The following SGCD variants were observed in gnomAD, a reference collection of about 807,000 sequenced individuals.
SGCD encodes sarcoglycan delta.
SGCD carries 18 observed loss-of-function variants against 36.6 expected under a neutral mutation model. The ratio of observed to expected loss-of-function variants is 0.49; its 90% CI spans 0.34 to 0.73. The LOEUF (loss-of-function observed/expected upper bound fraction) is 0.73, where lower values mean the gene tolerates loss of function less well. Among genes scored for constraint, SGCD ranks in the 30% least tolerant of loss-of-function variants. The probability of loss-of-function intolerance (pLI) is 0.01; values close to 1 mark genes in which losing one functional copy is unlikely to be tolerated. For missense variants in SGCD, 387 were observed against 346.7 expected, an observed-to-expected ratio of 1.12 and a Z score of -0.92; for synonymous variants, 133 against 130.6, an observed-to-expected ratio of 1.02 and a Z score of -0.12.
At chr5:156,260,614 T>C (rs1765833946) in intron 3 of SGCD, among the ~76,000 whole-genome samples, 1 of 152,148 alleles carries the variant, frequency 6.6e-6, no homozygotes, top group African/African-American at 2.4e-5. Flanking sequence ...TGGATAAGTG[T>C]ATAATCATGT....
At chr5:156,341,590 G>A (rs1768654279) in intron 2 of SGCD, among the ~76,000 whole-genome samples, 1 of 152,016 alleles carries the variant, frequency 6.6e-6, no homozygotes, top group Non-Finnish European at 1.5e-5. Context: ...CTAGACCAAT[G>A]GCATGTAATC....
intron 1 of SGCD, among the ~76,000 whole-genome samples, chr5:155,917,850 A>G (rs971206248): frequency 1.3e-5 from 2 of 152,082 alleles, no homozygotes; most frequent in Admixed American, 6.5e-5. Flanking sequence ...TTCTAATGTG[A>G]CCAAGTGATA....
At position 156,072,434 on chromosome 5, in the gene SGCD, T is replaced by C. The variant is rs867391302; in HGVS notation, c.-281-45444T>C. The stretch of plus-strand genomic sequence containing the variant: ...TGAAATTCTGGGTTGAAAATTCTTT[T>C]CTTTAAGAATGTTGAATATTGGCCC... On this transcript the variant is annotated intron_variant, in intron 1 of 9. Transcript: ENST00000517913. Among the ~76,000 whole-genome samples, 798 of 152,206 alleles carry C rather than the reference T, an allele frequency of 5.2e-3. 3 individuals are homozygous for C. Among genetic ancestry groups the C allele is most frequent in the Middle Eastern group, 0.048 (14 of 292 alleles).
intron 5 of SGCD, among the ~76,000 whole-genome samples, chr5:156,593,339 A>T (rs1218178418): frequency 6.6e-6 from 1 of 152,144 alleles, no homozygotes; most frequent in Non-Finnish European, 1.5e-5. Flanking sequence ...ATTTTTCAGA[A>T]CACGCGCACC....
intron 1 of SGCD, among the ~76,000 whole-genome samples, chr5:156,099,440 G>C (rs560774382): frequency 2.0e-5 from 3 of 152,030 alleles, no homozygotes; most frequent in East Asian, 1.9e-4. Flanking sequence ...TCTGAGACAG[G>C]GTCTCACTTT....
chr5:156,633,780 G>A (rs1025399159), intron 6 of SGCD, among the ~76,000 whole-genome samples: 13 of 152,178 alleles, frequency 8.5e-5, no homozygotes, highest in Non-Finnish European at 1.5e-4. Context: ...TTGACAAAGC[G>A]TACATGGTGT....
chr5:156,691,349 C>T lies in SGCD; in HGVS notation c.575+43813C>T, dbSNP rs542994211. Reference sequence around the variant, plus strand: ...TTCCTCAGGCATGCTGGCCATAGTGCGAGACTCAATAGCTATGTGGCTGCT... The same window carrying T: ...TTCCTCAGGCATGCTGGCCATAGTGTGAGACTCAATAGCTATGTGGCTGCT... On this transcript the variant is annotated intron_variant, in intron 7 of 8. Transcript: ENST00000337851. 3.3e-5 allele frequency among the ~76,000 whole-genome samples: 5 copies of T among 151,954 alleles called. No homozygotes were observed. The East Asian group carries it at 7.7e-4, about 23-fold the overall frequency.
chr5:155,852,913 C>T, the SGCD span, among the ~76,000 whole-genome samples: 5 of 151,926 alleles, frequency 3.3e-5, no homozygotes, highest in Non-Finnish European at 5.9e-5. Context: ...TCTTGATTTC[C>T]GGGTGACAAT....
At chr5:156,501,277 A>G (rs958428728) in intron 3 of SGCD, among the ~76,000 whole-genome samples, 2 of 152,160 alleles carry the variant, frequency 1.3e-5, no homozygotes, top group Non-Finnish European at 2.9e-5. Context: ...GAGATTATAA[A>G]AGACAGGAAA....
At chr5:155,908,219 C>A (rs1361618502) in intron 1 of SGCD, among the ~76,000 whole-genome samples, 1 of 152,020 alleles carries the variant, frequency 6.6e-6, no homozygotes, top group African/African-American at 2.4e-5. Flanking sequence ...AAAACCAAAA[C>A]GGTTGTTACT....
chr5:155,946,460 G>T (rs1011372140), intron 1 of SGCD, among the ~76,000 whole-genome samples: 4 of 151,962 alleles, frequency 2.6e-5, no homozygotes, highest in African/African-American at 9.7e-5. Context: ...TTAAATGTTT[G>T]CCAAGTGGTT....
At chr5:156,017,700 A>C (rs926413925) in intron 1 of SGCD, among the ~76,000 whole-genome samples, 6 of 152,190 alleles carry the variant, frequency 3.9e-5, no homozygotes, top group African/African-American at 1.4e-4. Context: ...GTAACATTTC[A>C]AAAATGGAAA....
chr5:156,213,462 G>T (rs1764499703), intron 3 of SGCD, among the ~76,000 whole-genome samples: 1 of 151,972 alleles, frequency 6.6e-6, no homozygotes, highest in Non-Finnish European at 1.5e-5. Flanking sequence ...TAATGTTATT[G>T]ATTTGGTGAT....
intron 4 of SGCD, among the ~76,000 whole-genome samples, chr5:156,538,604 C>G: frequency 6.6e-6 from 1 of 151,918 alleles, no homozygotes; most frequent in Admixed American, 6.6e-5. Flanking sequence ...TTTCTTCTCA[C>G]CTGTTTTGCT....
intron 7 of SGCD, among the ~76,000 whole-genome samples, chr5:156,736,849 T>C (rs368525565): frequency 1.3e-5 from 2 of 152,216 alleles, no homozygotes; most frequent in East Asian, 3.8e-4. Flanking sequence ...GCCTTCTGAC[T>C]TGTTCAGCCC....
chr5:156,245,444 T>C lies in SGCD; in HGVS notation c.-43-84090T>C, dbSNP rs1467252627. 2.6e-5 allele frequency among the ~76,000 whole-genome samples: 4 copies of C among 152,164 alleles called. No individual in the cohort carries two copies. The East Asian group carries it at 5.8e-4, about 22-fold the overall frequency. ...AATAGAACCAGGCAATAATAATAAATGACTTATCAAACTGTGAGGTGAAAA... is the reference window on the plus strand; with the variant it reads ...AATAGAACCAGGCAATAATAATAAACGACTTATCAAACTGTGAGGTGAAAA... On this transcript the variant is annotated intron_variant, in intron 3 of 9. Transcript: ENST00000517913.
At chr5:155,856,739 C>T in the SGCD span, among the ~76,000 whole-genome samples, 30 of 151,978 alleles carry the variant, frequency 2.0e-4, no homozygotes, top group Non-Finnish European at 2.6e-4. Context: ...CAAATAAGGA[C>T]GTAAAAGCAT....
intron 4 of SGCD, among the ~76,000 whole-genome samples, chr5:156,568,454 G>T (rs1306501145): frequency 2.0e-5 from 3 of 152,190 alleles, no homozygotes; most frequent in Non-Finnish European, 4.4e-5. Flanking sequence ...TCCCCCCATT[G>T]AAAGCACTGG....
At chr5:155,764,334 A>G in the SGCD span, among the ~76,000 whole-genome samples, 2 of 152,152 alleles carry the variant, frequency 1.3e-5, no homozygotes, top group African/African-American at 4.8e-5. Flanking sequence ...AACGTCCCCA[A>G]ACATAGTGCC....
Sources: allele counts gnomAD v4.1 joint callset (sites outside exome capture counted in the v4.1 genomes callset), GRCh38; gene constraint gnomAD v4.1.1; transcripts MANE v1.5; gene names NCBI Gene and HGNC (gene_info 2026-07-23, HGNC 2026-07-21).